Variants in CLIC4 observed in about 807,000 individuals in gnomAD.
The protein encoded by CLIC4 is CLIC family member 4, also known as chloride intracellular channel protein 4.
CLIC4 carries 13 observed loss-of-function variants against 24.6 expected under a neutral mutation model. The observed-to-expected ratio is 0.53, with a 90% CI of 0.34 to 0.84. The LOEUF is 0.84. Ranked by LOEUF, CLIC4 falls within the 40% of genes least tolerant of loss-of-function variation. CLIC4 has a pLI of 0.01. For missense variants in CLIC4, 227 were observed against 301.7 expected (o/e 0.75, Z 1.83); for synonymous variants, 104 against 111.3 (o/e 0.93, Z 0.41).
At chr1:24,810,394 C>T (rs545051333) in intron 2 of CLIC4, among the ~76,000 whole-genome samples, 39 of 152,324 alleles carry the variant, frequency 2.6e-4, no homozygotes, top group African/African-American at 9.1e-4. Flanking sequence ...CAGAATTTAG[C>T]AGTTGCTTCC....
rs564493754 is a variant in CLIC4 at position 24,776,635 on chromosome 1, T to C, written c.73-21107T>C. On this transcript the variant is annotated intron_variant, in intron 1 of 5. Coordinates refer to ENST00000374379, the MANE Select transcript of CLIC4 (RefSeq NM_013943.3). The stretch of plus-strand genomic sequence containing the variant: ...ATTTCTAAAATATATTAATGCTTCC[T>C]TGACTTTTGAAAATGCTGAGTTTGG... Among the ~76,000 whole-genome samples, 3 of 152,380 alleles carry C rather than the reference T, an allele frequency of 2.0e-5. No homozygotes were observed. In the East Asian group the frequency reaches 5.8e-4, roughly 29 times the overall value.
At chr1:24,779,308 A>G (rs1458621850) in intron 1 of CLIC4, among the ~76,000 whole-genome samples, 2 of 152,076 alleles carry the variant, frequency 1.3e-5, no homozygotes, top group Non-Finnish European at 2.9e-5. Context: ...TGATTCTACA[A>G]AAAATACAAA....
intron 1 of CLIC4, among the ~76,000 whole-genome samples, chr1:24,786,971 A>G (rs1399127719): frequency 1.3e-5 from 2 of 151,924 alleles, no homozygotes; most frequent in Non-Finnish European, 2.9e-5. Context: ...CCCAGGCTAG[A>G]GTGCAGTGGT....
chr1:24,814,810 G>A (rs1265620055), intron 3 of CLIC4, among the ~76,000 whole-genome samples: 1 of 152,120 alleles, frequency 6.6e-6, no homozygotes, highest in Non-Finnish European at 1.5e-5. Context: ...TGTAATATTG[G>A]CATAGATTCA....
intron 1 of CLIC4, among the ~76,000 whole-genome samples, chr1:24,786,910 G>A (rs1461936720): frequency 2.0e-5 from 3 of 151,672 alleles, no homozygotes; most frequent in Admixed American, 6.6e-5. Flanking sequence ...GAGCCACCGT[G>A]CCAGGCCAAT....
chr1:24,775,361 G>A (rs1431185449), intron 1 of CLIC4, among the ~76,000 whole-genome samples: 3 of 149,626 alleles, frequency 2.0e-5, no homozygotes, highest in East Asian at 3.9e-4. Flanking sequence ...AATTTTGGCC[G>A]TTATTTCTTG....
intron 1 of CLIC4, among the ~76,000 whole-genome samples, chr1:24,765,132 G>T (rs976389658): frequency 6.6e-6 from 1 of 152,192 alleles, no homozygotes; most frequent in Non-Finnish European, 1.5e-5. Flanking sequence ...AATAGATACT[G>T]TTCCCATTGA....
At chr1:24,821,653 A>G (rs757031623) in intron 3 of CLIC4, among the ~76,000 whole-genome samples, 1 of 152,154 alleles carries the variant, frequency 6.6e-6, no homozygotes, top group African/African-American at 2.4e-5. Flanking sequence ...TCCCAGGCTC[A>G]TAATCCTCCT....
intron 1 of CLIC4, among the ~76,000 whole-genome samples, chr1:24,775,174 G>GT (rs1639118434): frequency 8.6e-6 from 1 of 116,488 alleles, no homozygotes; most frequent in Non-Finnish European, 1.8e-5. Context: ...GCAATGTGTT[G>GT]TTTTTTTCTA....
chr1:24,776,841 G>A (rs919658162), intron 1 of CLIC4, among the ~76,000 whole-genome samples: 1 of 152,110 alleles, frequency 6.6e-6, no homozygotes, highest in South Asian at 2.1e-4. Context: ...GAACCCAGGA[G>A]GCGGAGGTTG....
chr1:24,791,642 G>A (rs572354626), intron 1 of CLIC4, among the ~76,000 whole-genome samples: 4 of 152,240 alleles, frequency 2.6e-5, no homozygotes, highest in South Asian at 4.1e-4. Context: ...TTGGGAGGCC[G>A]AGGCGGGTGG....
rs555755620 is a variant in CLIC4 at position 24,824,833 on chromosome 1, T to C, written c.309-2177T>C. 2.6e-5 allele frequency among the ~76,000 whole-genome samples: 4 copies of C among 151,496 alleles called. No individual in the cohort carries two copies. In the East Asian group the frequency reaches 5.9e-4, roughly 22 times the overall value. On this transcript the variant is annotated intron_variant, in intron 3 of 5. Transcript: ENST00000374379. ...GGGCAACATGGGGAAACCTCGTCTC[T>C]ACAAAAAAATACAAAAAGCTAGCCA...
chr1:24,790,479 C>T (rs778405138), intron 1 of CLIC4, among the ~76,000 whole-genome samples: 5 of 152,042 alleles, frequency 3.3e-5, no homozygotes, highest in East Asian at 3.9e-4. Context: ...CTGGAAAAAC[C>T]GAATTAGATG....
intron 1 of CLIC4, among the ~76,000 whole-genome samples, chr1:24,784,678 C>T (rs945317120): frequency 5.3e-5 from 8 of 152,094 alleles, no homozygotes; most frequent in African/African-American, 1.9e-4. Context: ...TGGTAGCAAC[C>T]GAAGTCTTTG....
chr1:24,829,588 C>T (rs914669186), intron 4 of CLIC4, among the ~76,000 whole-genome samples: 1 of 151,902 alleles, frequency 6.6e-6, no homozygotes, highest in Non-Finnish European at 1.5e-5. Context: ...TGCTAAGGTC[C>T]CAACTGTGAC....
At chr1:24,756,727 C>T (rs1638856226) in intron 1 of CLIC4, among the ~76,000 whole-genome samples, 1 of 147,424 alleles carries the variant, frequency 6.8e-6, no homozygotes. Flanking sequence ...TAATTAAGAA[C>T]TTTTTTTTTT....
intron 4 of CLIC4, 39 bp downstream of exon 4, chr1:24,827,155 A>G: frequency 1.6e-6 from 2 of 1,256,688 alleles, no homozygotes; most frequent in Non-Finnish European, 2.3e-6. Context: ...GCAACAAAAA[A>G]CCCCAAACAA....
chr1:24,771,790 A>T (rs1639073968), intron 1 of CLIC4: 1 of 501,998 alleles, frequency 2.0e-6, no homozygotes, highest in Non-Finnish European at 4.0e-6. Context: ...ATTGGTCTAA[A>T]CCTAACAGAT....
chr1:24,818,047 TA>T (rs1639688630), intron 3 of CLIC4, among the ~76,000 whole-genome samples: 1 of 152,160 alleles, frequency 6.6e-6, no homozygotes, highest in Non-Finnish European at 1.5e-5. Flanking sequence ...CAGATCATCA[TA>T]ACAGATACAA....
Sources: allele counts gnomAD v4.1 joint callset (sites outside exome capture counted in the v4.1 genomes callset), GRCh38; gene constraint gnomAD v4.1.1; transcripts MANE v1.5; gene names NCBI Gene and HGNC (gene_info 2026-07-23, HGNC 2026-07-21).